The following AUTS2 variants were observed in gnomAD, a reference collection of about 807,000 sequenced individuals.
AUTS2 encodes the protein activator of transcription and developmental regulator AUTS2.
Under a neutral mutation model 112.4 loss-of-function variants are expected in AUTS2, and 17 were observed. The ratio of observed to expected loss-of-function variants is 0.15; its 90% CI spans 0.10 to 0.23. The LOEUF is 0.23. Ranked by LOEUF, AUTS2 falls within the 10% of genes least tolerant of loss-of-function variation. The probability of loss-of-function intolerance (pLI) is 1.00; values close to 1 mark genes in which losing one functional copy is unlikely to be tolerated. For synonymous variants in AUTS2, 751 were observed against 702.7 expected, an observed-to-expected ratio of 1.07 and a Z score of -1.09; for missense variants, 1,510 against 1,701.6, an observed-to-expected ratio of 0.89 and a Z score of 1.98.
chr7:69,958,501 G>C (rs1797306664), intron 2 of AUTS2, among the ~76,000 whole-genome samples: 1 of 152,092 alleles, frequency 6.6e-6, no homozygotes, highest in Non-Finnish European at 1.5e-5. Flanking sequence ...GTGCAGTAGA[G>C]CAGGGGCAGA....
chr7:70,608,588 A>T (rs1254427812), intron 5 of AUTS2, among the ~76,000 whole-genome samples: 1 of 152,184 alleles, frequency 6.6e-6, no homozygotes, highest in Non-Finnish European at 1.5e-5. Context: ...CCCCCATAGT[A>T]AGAAAATTAA....
At chr7:70,151,190 C>T (rs925791233) in intron 4 of AUTS2, among the ~76,000 whole-genome samples, 2 of 152,064 alleles carry the variant, frequency 1.3e-5, no homozygotes, top group Non-Finnish European at 2.9e-5. Flanking sequence ...GAGAAAGGAT[C>T]CCAGAGATCT....
chr7:70,548,524 GT>G (rs1257351333), intron 5 of AUTS2, among the ~76,000 whole-genome samples: 2 of 152,050 alleles, frequency 1.3e-5, no homozygotes, highest in African/African-American at 4.8e-5. Flanking sequence ...CTTCTAAGAA[GT>G]TTTATAATTT....
intron 4 of AUTS2, among the ~76,000 whole-genome samples, chr7:70,244,995 C>A (rs1156311463): frequency 1.3e-5 from 2 of 151,368 alleles, no homozygotes; most frequent in Admixed American, 1.3e-4. Flanking sequence ...TGGCGCATGC[C>A]TGTAATCCCA....
At chr7:69,879,760 C>T (rs768072968) in intron 1 of AUTS2, among the ~76,000 whole-genome samples, 1 of 152,164 alleles carries the variant, frequency 6.6e-6, no homozygotes, top group Non-Finnish European at 1.5e-5. Flanking sequence ...ACCTGCCTTG[C>T]CACTGTGAAT....
chr7:69,653,826 C>A (rs1795395702), intron 1 of AUTS2, among the ~76,000 whole-genome samples: 1 of 152,138 alleles, frequency 6.6e-6, no homozygotes, highest in Non-Finnish European at 1.5e-5. Context: ...CCCTGCCTGC[C>A]ACCTCCTCTG....
intron 6 of AUTS2, among the ~76,000 whole-genome samples, chr7:70,740,555 A>G (rs1232633754): frequency 6.6e-6 from 1 of 152,156 alleles, no homozygotes; most frequent in Non-Finnish European, 1.5e-5. Flanking sequence ...AGCTCATAGT[A>G]AGTGCTTAAT....
chr7:69,622,195 A>G (rs1048536956), intron 1 of AUTS2, among the ~76,000 whole-genome samples: 6 of 152,138 alleles, frequency 3.9e-5, no homozygotes, highest in Non-Finnish European at 7.4e-5. Flanking sequence ...GTGCTCTGGT[A>G]TTCCAAAACA....
chr7:69,987,177 A>G (rs1185003825), intron 2 of AUTS2, among the ~76,000 whole-genome samples: 1 of 152,244 alleles, frequency 6.6e-6, no homozygotes, highest in East Asian at 1.9e-4. Context: ...ATTTGCTACT[A>G]TAATTTAATT....
At chr7:69,753,799 T>C (rs1026241972) in intron 1 of AUTS2, among the ~76,000 whole-genome samples, 1 of 152,196 alleles carries the variant, frequency 6.6e-6, no homozygotes, top group Non-Finnish European at 1.5e-5. Flanking sequence ...ATATTAAGAA[T>C]GTAAGATACT....
At chr7:70,561,913 G>A (rs1000840084) in intron 5 of AUTS2, among the ~76,000 whole-genome samples, 10 of 152,110 alleles carry the variant, frequency 6.6e-5, no homozygotes, top group Non-Finnish European at 1.0e-4. Flanking sequence ...CGAGGTGGGC[G>A]CTGGGAGGTG....
chr7:70,516,749 A>G (rs139583224), intron 5 of AUTS2, among the ~76,000 whole-genome samples: 4 of 152,368 alleles, frequency 2.6e-5, no homozygotes, highest in African/African-American at 7.2e-5. Flanking sequence ...CTGTACAAAT[A>G]TAACTTATTA....
intron 2 of AUTS2, among the ~76,000 whole-genome samples, chr7:70,052,444 G>A (rs1801798046): frequency 6.6e-6 from 1 of 152,164 alleles, no homozygotes; most frequent in South Asian, 2.1e-4. Flanking sequence ...GAATTGAGAT[G>A]ACTGAAGCTT....
intron 4 of AUTS2, among the ~76,000 whole-genome samples, chr7:70,340,216 T>C (rs1212902578): frequency 6.9e-6 from 1 of 144,302 alleles, no homozygotes; most frequent in Admixed American, 6.9e-5. Flanking sequence ...GTTAAGAGTC[T>C]TTGGAATGGT....
intron 4 of AUTS2, among the ~76,000 whole-genome samples, chr7:70,276,493 C>T (rs1787936768): frequency 2.0e-5 from 3 of 151,840 alleles, no homozygotes; most frequent in Admixed American, 6.6e-5. Flanking sequence ...ATTCTCCCAC[C>T]TCAGCCTCCC....
chr7:70,789,449 CTCT>C (rs1173021676), intron 18 of AUTS2, among the ~76,000 whole-genome samples: 2 of 152,194 alleles, frequency 1.3e-5, no homozygotes, highest in Admixed American at 1.3e-4. Context: ...TTTCTGGAAG[CTCT>C]TCTTCTGTGC....
At chr7:69,921,762 T>TAAA (rs35008506) in intron 2 of AUTS2, among the ~76,000 whole-genome samples, 26 of 100,578 alleles carry the variant, frequency 2.6e-4, no homozygotes, top group Admixed American at 5.8e-4. Context: ...ACTCTGTCTT[T>TAAA]AAAAAAAAAA....
Position 69,599,450 on chromosome 7 carries a change from C to T in AUTS2, c.-204C>T, listed in dbSNP as rs1259217832. 7.0e-6 allele frequency: 3 copies of T among 428,890 alleles called. No homozygotes were observed. The highest frequency in any genetic ancestry group is 1.1e-5 in the Non-Finnish European group (3 of 261,870). 26.6% of individuals were successfully genotyped at this position (428,890 alleles called of 1,614,324 possible). On this transcript the variant is annotated 5_prime_UTR_variant, in exon 1 of 19. Transcript: ENST00000342771. The surrounding 1 kb of genome is among the most constrained non-coding windows in gnomAD (Gnocchi z 7.0). Reference sequence around the variant, plus strand: ...CTCGCCCTCGCTCCCCGTCCCTCCTCCCCTCTCTCCGCCCCTTCCCCCTTT... The same window carrying T: ...CTCGCCCTCGCTCCCCGTCCCTCCTTCCCTCTCTCCGCCCCTTCCCCCTTT...
chr7:69,660,608 G>C (rs773459929), intron 1 of AUTS2, among the ~76,000 whole-genome samples: 2 of 152,140 alleles, frequency 1.3e-5, no homozygotes, highest in Non-Finnish European at 2.9e-5. Context: ...GGACATGGCT[G>C]TTGTAAAACT....
Sources: gnomAD v4.1 joint callset for allele counts (sites outside exome capture counted in the v4.1 genomes callset) on GRCh38, gnomAD v4.1.1 for gene constraint, Gnocchi (gnomAD v3.1) non-coding constraint, MANE v1.5 for transcripts, NCBI Gene and HGNC (gene_info 2026-07-23, HGNC 2026-07-21) for gene names.